Variants in METRNL observed in about 807,000 individuals in gnomAD.
The protein encoded by METRNL is meteorin-like protein.
Under a neutral mutation model 17.4 loss-of-function variants are expected in METRNL, and 9 were observed. The observed-to-expected ratio is 0.52, with a 90% CI of 0.31 to 0.90. The LOEUF is 0.90. Ranked by LOEUF, METRNL falls within the 40% of genes least tolerant of loss-of-function variation. The pLI, the probability that METRNL is intolerant of heterozygous loss-of-function variation, is 0.05. For synonymous variants in METRNL, 215 were observed against 199.3 expected (o/e 1.08, Z -0.66); for missense variants, 408 against 430.7 (o/e 0.95, Z 0.47).
intron 2 of METRNL, among the ~76,000 whole-genome samples, chr17:83,090,620 G>A (rs560780317): frequency 2.0e-5 from 3 of 149,208 alleles, no homozygotes; most frequent in South Asian, 2.2e-4. Flanking sequence ...TGCCATGGCT[G>A]CCCAGCCGGA....
intron 2 of METRNL, among the ~76,000 whole-genome samples, chr17:83,089,136 C>G (rs545760889): frequency 1.3e-5 from 2 of 152,196 alleles, no homozygotes; most frequent in East Asian, 3.9e-4. Context: ...GGAGTGCGGC[C>G]GCAGCGCGAC....
rs371013194 is a variant in METRNL at position 83,085,343 on chromosome 17, C to T, written c.556+20C>T. On this transcript the variant is annotated intron_variant, in intron 2 of 3. Transcript: ENST00000320095. ...TGTCTGGTGAGTGTCCTGCCTGGGG[C>T]GGGGGCGGCGGGCCTCGTCATCACG... 5.9e-5 allele frequency: 89 copies of T among 1,509,940 alleles called. No individual in the cohort carries two copies. The highest frequency in any genetic ancestry group is 3.6e-4 in the South Asian group (27 of 74,674). 93.5% of individuals were successfully genotyped at this position (1,509,940 alleles called of 1,614,324 possible).
chr17:83,085,024 C>G lies in METRNL; in HGVS notation c.257C>G (p.Thr86Arg). 6.2e-7 allele frequency: 1 copy of G among 1,613,896 alleles called. No homozygotes were observed. Among genetic ancestry groups the G allele is most frequent in the Non-Finnish European group, 8.5e-7 (1 of 1,180,024 alleles). The change falls in exon 2 of 4, where the codon ACA becomes AGA. Residue 86 changes from threonine (T) to arginine (R), a missense_variant. Transcript: ENST00000320095. ...GGTGCCGTGGAGTGGATGTACCCAA[C>G]AGGTGCTCTCATCGTTAACCTGCGG... is the stretch of plus-strand genomic sequence containing the variant. ...AAGAVEWMYP[T>R]GALIVNLRPN...
chr17:83,083,510 C>T (rs766373664), intron 1 of METRNL, among the ~76,000 whole-genome samples: 5 of 152,196 alleles, frequency 3.3e-5, no homozygotes, highest in African/African-American at 4.8e-5. Flanking sequence ...TCATCGTGCC[C>T]TTGCCCACAC....
In METRNL at chr17:83,094,380, C is replaced by T. The variant is rs554181428; in HGVS notation, c.741C>T (p.Asp247=). 2.0e-4 allele frequency: 327 copies of T among 1,610,614 alleles called. 1 individual carries two copies. The South Asian group carries it at 2.6e-3, about 13-fold the overall frequency. ...SRVFEPVPEG[D]GHWQGRVRTL... ...TCTTCGAGCCGGTGCCCGAGGGTGA[C>T]GGCCACTGGCAGGGGCGCGTCAGGA... The change falls in exon 4 of 4, where the codon GAC becomes GAT. Residue 247 remains aspartate (D), a synonymous_variant. Coordinates refer to ENST00000320095, the MANE Select transcript of METRNL (RefSeq NM_001004431.3).
intron 3 of METRNL, 87 bp from the exon 4 acceptor site, chr17:83,094,169 A>AT (rs1279009395): frequency 1.0e-5 from 12 of 1,160,662 alleles, no homozygotes; most frequent in Admixed American, 7.6e-5. Context: ...TCCAGTGCCC[A>AT]TCGATGCGGG....
At position 83,089,759 on chromosome 17, in the gene METRNL, G is replaced by A. The variant is rs368676127; in HGVS notation, c.557-3408G>A. ...TCCCGATTGTCTCCCGGCGTCCACC[G>A]GCGTCCACCCTGCATTCTCCGTGAA... On this transcript the variant is annotated intron_variant, in intron 2 of 3. Transcript: ENST00000320095. 9.2e-5 allele frequency among the ~76,000 whole-genome samples: 14 copies of A among 152,248 alleles called. No homozygotes were observed. In the East Asian group the frequency reaches 2.7e-3, roughly 29 times the overall value.
At chr17:83,090,180 C>CAGGGTGGGAACCACACACCCCCGCCCT in intron 2 of METRNL, among the ~76,000 whole-genome samples, 1 of 101,102 alleles carries the variant, frequency 9.9e-6, no homozygotes, top group Admixed American at 1.0e-4. Context: ...ACCCCTGCCC[C>CAGGGTGGGAACCACACACCCCCGCCCT]GCCCCAGGGT....
Position 83,094,729 on chromosome 17 carries a change from C to A in METRNL, c.*154C>A. On this transcript the variant is annotated 3_prime_UTR_variant, in exon 4 of 4. Coordinates refer to ENST00000320095, the MANE Select transcript of METRNL (RefSeq NM_001004431.3). ...GTACCGAAGCTGTGGACGTTCTCGC[C>A]ACACTCAACCCCATGAGCTTCCAGC... 2.1e-6 allele frequency: 1 copy of A among 485,558 alleles called. No individual in the cohort carries two copies. The highest frequency in any genetic ancestry group is 3.3e-6 in the Non-Finnish European group (1 of 304,834). 30.1% of individuals were successfully genotyped at this position (485,558 alleles called of 1,614,324 possible). A position where few individuals can be genotyped will look rare whatever the true frequency, so the allele number is the denominator to read the frequency against.
rs148169240 is a variant in METRNL, at chr17:83,088,713, C to G, written c.556+3390C>G. 3.2e-3 allele frequency among the ~76,000 whole-genome samples: 481 copies of G among 152,142 alleles called. 1 individual carries two copies. The East Asian group carries it at 0.034, about 11-fold the overall frequency. On this transcript the variant is annotated intron_variant, in intron 2 of 3. Coordinates refer to ENST00000320095, the MANE Select transcript of METRNL (RefSeq NM_001004431.3). ...GTCTCAGGGGCCTCAACGCCTCCCC[C>G]CTTTAAAATCCTGCCCCTGGCTGAG...
chr17:83,084,546 C>T (rs2038026191), intron 1 of METRNL: 2 of 221,604 alleles, frequency 9.0e-6, no homozygotes, highest in East Asian at 9.3e-5. Context: ...ATCCCACTGC[C>T]CCAGCACCTC....
chr17:83,092,002 G>T (rs1171999151), intron 2 of METRNL, among the ~76,000 whole-genome samples: 2 of 152,248 alleles, frequency 1.3e-5, no homozygotes, highest in South Asian at 2.1e-4. Context: ...TAAGAAACTG[G>T]GGCGAAGGGC....
In METRNL at chr17:83,085,304, G is replaced by A. The variant is rs201518596; in HGVS notation, c.537G>A (p.Ser179=). Residue 179 remains serine, a synonymous_variant, in exon 2 of 4, where the codon TCG becomes TCA. Coordinates refer to ENST00000320095, the MANE Select transcript of METRNL (RefSeq NM_001004431.3). Reference sequence around the variant, plus strand: ...AGCTGGTTAGGAGGCACAGGGCGTCGGACCTGCACGAGCTGTCTGGTGAGT... The same window carrying A: ...AGCTGGTTAGGAGGCACAGGGCGTCAGACCTGCACGAGCTGTCTGGTGAGT... The part of the protein sequence containing the change: ...QYELVRRHRA[S]DLHELSAPCR... 20 of 1,530,012 alleles carry A rather than the reference G, an allele frequency of 1.3e-5. No homozygotes were observed. Among genetic ancestry groups the A allele is most frequent in the South Asian group, 1.2e-4 (9 of 77,770 alleles). The allele number at this position is 1,530,012 out of a possible 1,614,324, so 94.8% of individuals were successfully genotyped here.
intron 2 of METRNL, among the ~76,000 whole-genome samples, chr17:83,091,493 C>T (rs188316956): frequency 1.3e-5 from 2 of 152,332 alleles, no homozygotes; most frequent in Admixed American, 1.3e-4. Flanking sequence ...ATGTGCAGGC[C>T]CTGAGGGTCC....
Position 83,079,904 on chromosome 17 carries a change from C to A in METRNL, c.89C>A (p.Pro30Gln). 1.0e-6 allele frequency: 1 copy of A among 996,258 alleles called. No individual in the cohort carries two copies. The highest frequency in any genetic ancestry group is 1.2e-6 in the Non-Finnish European group (1 of 838,430). 61.7% of individuals were successfully genotyped at this position (996,258 alleles called of 1,614,324 possible). A position where few individuals can be genotyped will look rare whatever the true frequency, so the allele number is the denominator to read the frequency against. Residue 30 changes from proline (P) to glutamine (Q), a missense_variant, in exon 1 of 4, where the codon CCG becomes CAG. Coordinates refer to ENST00000320095, the MANE Select transcript of METRNL (RefSeq NM_001004431.3). ...PAPGPPPPPL[P>Q]LLLLLLAGLL... ...CCGGGCCCGCCCCCGCCGCCGCTCC[C>A]GCTGCTGCTCCTGCTCCTGGCCGGG...
chr17:83,086,045 G>C (rs1243788482), intron 2 of METRNL, among the ~76,000 whole-genome samples: 1 of 152,192 alleles, frequency 6.6e-6, no homozygotes, highest in African/African-American at 2.4e-5. Flanking sequence ...CCTGTGCTTG[G>C]GGGAGAGGTC....
intron 1 of METRNL, among the ~76,000 whole-genome samples, chr17:83,081,246 C>A (rs945524413): frequency 6.6e-6 from 1 of 152,082 alleles, no homozygotes; most frequent in East Asian, 1.9e-4. Flanking sequence ...CTTCTGGGGC[C>A]GCCCCTGCCC....
chr17:83,087,970 G>A (rs1230254124), intron 2 of METRNL, among the ~76,000 whole-genome samples: 1 of 152,214 alleles, frequency 6.6e-6, no homozygotes, highest in Non-Finnish European at 1.5e-5. Context: ...CGCTCCGGTG[G>A]GTTTCGTTGG....
chr17:83,094,602 C>T lies in METRNL; in HGVS notation c.*27C>T. 1.4e-6 allele frequency: 2 copies of T among 1,426,268 alleles called. No homozygotes were observed. Among genetic ancestry groups the T allele is most frequent in the Non-Finnish European group, 1.8e-6 (2 of 1,085,574 alleles). The allele number at this position is 1,426,268 out of a possible 1,614,324, so 88.4% of individuals were successfully genotyped here. A position where few individuals can be genotyped will look rare whatever the true frequency, so the allele number is the denominator to read the frequency against. ...TCCGTGGGCCGCTGCCCTTCCTCTC[C>T]TGATGAGTCACAGGCTGCGGTGGGC... On this transcript the variant is annotated 3_prime_UTR_variant, in exon 4 of 4. Transcript: ENST00000320095.
Sources: allele counts gnomAD v4.1 joint callset (sites outside exome capture counted in the v4.1 genomes callset), GRCh38; gene constraint gnomAD v4.1.1; transcripts MANE v1.5; gene names NCBI Gene and HGNC (gene_info 2026-07-23, HGNC 2026-07-21).